The following VAV2 variants were observed in gnomAD, a reference collection of about 807,000 sequenced individuals.
VAV2 encodes the protein guanine nucleotide exchange factor VAV2.
In VAV2, 67 loss-of-function variants were observed where a neutral mutation model predicts 132.5. The ratio of observed to expected loss-of-function variants is 0.51; its 90% CI spans 0.42 to 0.62. The LOEUF (loss-of-function observed/expected upper bound fraction) is 0.62. Among genes scored for constraint, VAV2 ranks in the 20% least tolerant of loss-of-function variants. The probability of loss-of-function intolerance (pLI) is 0.00; values close to 1 mark genes in which losing one functional copy is unlikely to be tolerated. For synonymous variants in VAV2, 492 were observed against 443.5 expected (o/e 1.11, Z -1.37); for missense variants, 938 against 1,153.6 (o/e 0.81, Z 2.71).
chr9:133,865,079 C>T (rs1009844391), intron 2 of VAV2, among the ~76,000 whole-genome samples: 5 of 152,164 alleles, frequency 3.3e-5, no homozygotes, highest in African/African-American at 9.7e-5. Flanking sequence ...GCCCAGGCAC[C>T]GAAAACTCCA....
intron 1 of VAV2, among the ~76,000 whole-genome samples, chr9:133,942,518 A>G (rs2519108): frequency 0.67 from 102,682 of 152,340 alleles, 34,832 homozygotes; most frequent in East Asian, 0.81. Context: ...CCTCTCGCTC[A>G]TCTGCGCGGC....
rs895373742 is a variant in VAV2 at position 133,824,017 on chromosome 9, G to A, written c.449+10255C>T. On this transcript the variant is annotated intron_variant, in intron 4 of 29. Coordinates refer to ENST00000371850, the MANE Select transcript of VAV2 (RefSeq NM_001134398.2). This position sits in a 1 kb window ranked among gnomAD's most constrained non-coding sequence, Gnocchi z 5.2. ...GGAGCAGGGTTTCGAGGTCACTGAAGCCCCCAGCCACGTGGCAGCAGGGCC... is the reference window on the plus strand; with the variant it reads ...GGAGCAGGGTTTCGAGGTCACTGAAACCCCCAGCCACGTGGCAGCAGGGCC... 1.3e-5 allele frequency among the ~76,000 whole-genome samples: 2 copies of A among 152,106 alleles called. No homozygotes were observed.
Position 133,802,575 on chromosome 9 carries a change from G to A in VAV2, c.836+3506C>T, listed in dbSNP as rs1350411995. ...CCCGACCTCCCCTCTCTGCTGACAA[G>A]GTATGTGGTTCCCTTGCTCGTGAGT... On this transcript the variant is annotated intron_variant, in intron 9 of 29. Transcript: ENST00000371850. This position sits in a 1 kb window ranked among gnomAD's most constrained non-coding sequence, Gnocchi z 5.8. 6.6e-6 allele frequency among the ~76,000 whole-genome samples: 1 copy of A among 152,240 alleles called. No homozygotes were observed.
intron 1 of VAV2, among the ~76,000 whole-genome samples, chr9:133,964,588 C>A (rs1842087476): frequency 1.3e-5 from 2 of 152,000 alleles, no homozygotes; most frequent in Admixed American, 1.3e-4. Context: ...TCCTAGCAAA[C>A]CAAATCCAAC....
At chr9:133,854,345 G>A (rs988392505) in intron 3 of VAV2, among the ~76,000 whole-genome samples, 1 of 152,132 alleles carries the variant, frequency 6.6e-6, no homozygotes, top group African/African-American at 2.4e-5. Context: ...ATACACACAC[G>A]CGCACACCCA....
At chr9:133,808,992 G>A (rs1316409051) in intron 7 of VAV2, 48 bp downstream of exon 7, 2 of 1,564,540 alleles carry the variant, frequency 1.3e-6, no homozygotes, top group Non-Finnish European at 1.8e-6. Context: ...GCCCTGCAGT[G>A]ACCACAGTGG....
rs1838682084 is a variant in VAV2, at chr9:133,885,814, C to T, written c.322-24382G>A. 6.6e-6 allele frequency among the ~76,000 whole-genome samples: 1 copy of T among 152,184 alleles called. No individual in the cohort carries two copies. The highest frequency in any genetic ancestry group is 6.5e-5 in the Admixed American group (1 of 15,280). On this transcript the variant is annotated intron_variant, in intron 2 of 29. Transcript: ENST00000371850. The surrounding 1 kb of genome is among the most constrained non-coding windows in gnomAD (Gnocchi z 5.0). Reference sequence around the variant, plus strand: ...CACAAACCCTTCACAAAGCACTCACCCACTTACCCTTGGGCTGGAAGGAAC... The same window carrying T: ...CACAAACCCTTCACAAAGCACTCACTCACTTACCCTTGGGCTGGAAGGAAC...
chr9:133,812,316 G>T, intron 4 of VAV2, 100 bp from the exon 5 acceptor site: 2 of 1,193,580 alleles, frequency 1.7e-6, no homozygotes, highest in Non-Finnish European at 2.4e-6. Flanking sequence ...AGGCGGCTGG[G>T]GCCACAGCGA....
At chr9:133,978,516 G>A (rs1027281921) in intron 1 of VAV2, among the ~76,000 whole-genome samples, 2 of 152,244 alleles carry the variant, frequency 1.3e-5, no homozygotes, top group African/African-American at 4.8e-5. Context: ...CGCTGCCTTT[G>A]AACCCAAAAG....
intron 3 of VAV2, among the ~76,000 whole-genome samples, chr9:133,849,699 C>G (rs908789775): frequency 2.0e-5 from 3 of 152,204 alleles, no homozygotes; most frequent in Non-Finnish European, 4.4e-5. Flanking sequence ...AGGGTCCTTC[C>G]TGCCTCTTCC....
At chr9:133,982,429 G>A (rs1385369332) in intron 1 of VAV2, among the ~76,000 whole-genome samples, 3 of 126,150 alleles carry the variant, frequency 2.4e-5, no homozygotes, top group Admixed American at 1.6e-4. Context: ...CACAAGAGGG[G>A]ACCTAGGACG....
intron 22 of VAV2, 85 bp downstream of exon 22, chr9:133,778,677 T>A: frequency 5.2e-6 from 8 of 1,540,256 alleles, no homozygotes; most frequent in Non-Finnish European, 6.1e-6. Context: ...TGCCTGGGGA[T>A]GTGCAGGACT....
intron 1 of VAV2, among the ~76,000 whole-genome samples, chr9:133,968,944 A>C (rs1842236985): frequency 6.6e-6 from 1 of 152,188 alleles, no homozygotes; most frequent in Non-Finnish European, 1.5e-5. Context: ...GATCAATAGC[A>C]ATAAGTGAGT....
At chr9:133,814,989 G>A (rs150979862) in intron 4 of VAV2, among the ~76,000 whole-genome samples, 180 of 152,292 alleles carry the variant, frequency 1.2e-3, no homozygotes, top group South Asian at 4.4e-3. Flanking sequence ...AGGCCTGAAC[G>A]TATTCCGGGA....
intron 2 of VAV2, among the ~76,000 whole-genome samples, chr9:133,873,308 T>G (rs1367616441): frequency 6.6e-6 from 1 of 152,108 alleles, no homozygotes; most frequent in Admixed American, 6.5e-5. Context: ...CCACGGACGA[T>G]CTCAGCCACT....
intron 1 of VAV2, among the ~76,000 whole-genome samples, chr9:133,989,230 T>C (rs540771607): frequency 1.4e-4 from 22 of 151,976 alleles, no homozygotes; most frequent in African/African-American, 4.8e-4. Context: ...CCCAGCCGAC[T>C]TGGGAGGCTG....
chr9:133,892,226 C>T (rs921672531), intron 2 of VAV2, among the ~76,000 whole-genome samples: 9 of 150,468 alleles, frequency 6.0e-5, no homozygotes, highest in African/African-American at 1.7e-4. Context: ...TGGGGATCAG[C>T]AAGGGGCCTG....
intron 2 of VAV2, among the ~76,000 whole-genome samples, chr9:133,871,054 G>A (rs897427460): frequency 6.7e-6 from 1 of 150,246 alleles, no homozygotes; most frequent in Non-Finnish European, 1.5e-5. Flanking sequence ...GTGGATAGAT[G>A]AGTGGGTGGG....
At position 133,778,786 on chromosome 9, in the gene VAV2, G is replaced by T; in HGVS notation, c.1866C>A (p.Gly622=). ...QTGDVLELLR[G]DPESPWWEGR... is the part of the protein sequence containing the mutation. The stretch of plus-strand genomic sequence containing the variant: ...CCTCCCACCACGGAGACTCAGGGTC[G>T]CCCCTCAGCAGCTCAAGCACGTCGC... Residue 622 remains glycine (G), a synonymous_variant, in exon 22 of 30, where the codon GGC becomes GGA. Transcript: ENST00000371850. The T allele has an allele frequency of 6.2e-7, 1 of 1,612,692 alleles. No homozygotes were observed. Among genetic ancestry groups the T allele is most frequent in the Non-Finnish European group, 8.5e-7 (1 of 1,179,934 alleles).
Sources: allele counts gnomAD v4.1 joint callset (sites outside exome capture counted in the v4.1 genomes callset), GRCh38; gene constraint gnomAD v4.1.1; non-coding constraint Gnocchi (gnomAD v3.1); transcripts MANE v1.5; gene names NCBI Gene and HGNC (gene_info 2026-07-23, HGNC 2026-07-21).